CHST9: variants seen among roughly 807,000 people sequenced by gnomAD.
The protein encoded by CHST9 is carbohydrate sulfotransferase 9.
In CHST9, 41 loss-of-function variants were observed where a neutral mutation model predicts 44.4. The observed-to-expected ratio is 0.92, with a 90% CI of 0.72 to 1.20. The LOEUF is 1.20. CHST9 is among the 50% of genes most tolerant of loss of function. The probability of loss-of-function intolerance (pLI) is 0.00; values close to 1 mark genes in which losing one functional copy is unlikely to be tolerated. For synonymous variants in CHST9, 171 were observed against 178.4 expected, an observed-to-expected ratio of 0.96 and a Z score of 0.33; for missense variants, 504 against 516.5, an observed-to-expected ratio of 0.98 and a Z score of 0.23.
At chr18:26,990,327 T>A (rs949458854) in intron 4 of CHST9, among the ~76,000 whole-genome samples, 1 of 152,208 alleles carries the variant, frequency 6.6e-6, no homozygotes, top group Non-Finnish European at 1.5e-5. Flanking sequence ...AAAAAGCTAA[T>A]GGCATAGAGC....
intron 1 of CHST9, among the ~76,000 whole-genome samples, chr18:27,156,479 G>T (rs1276292572): frequency 6.6e-6 from 1 of 152,052 alleles, no homozygotes; most frequent in East Asian, 1.9e-4. Context: ...TGCCTTTCAG[G>T]CGGATGTAGT....
intron 2 of CHST9, among the ~76,000 whole-genome samples, chr18:27,132,419 A>G (rs947007633): frequency 6.6e-6 from 1 of 152,144 alleles, no homozygotes; most frequent in Admixed American, 6.5e-5. Flanking sequence ...CCCACCCCAA[A>G]CCAAGCAATT....
intron 1 of CHST9, among the ~76,000 whole-genome samples, chr18:27,184,515 C>T (rs2058939786): frequency 6.6e-6 from 1 of 152,086 alleles, no homozygotes; most frequent in South Asian, 2.1e-4. Context: ...TCAGATCGCC[C>T]CTCCCAACCC....
intron 3 of CHST9, among the ~76,000 whole-genome samples, chr18:27,034,870 TA>T (rs1439239455): frequency 6.6e-6 from 1 of 152,182 alleles, no homozygotes; most frequent in Non-Finnish European, 1.5e-5. Context: ...CTTTTTTAAC[TA>T]AAAAATTGAA....
Position 27,142,844 on chromosome 18 carries a change from T to A in CHST9, c.-35A>T, listed in dbSNP as rs2058579372. On this transcript the variant is annotated 5_prime_UTR_variant, in exon 2 of 6. Coordinates refer to ENST00000618847, the MANE Select transcript of CHST9 (RefSeq NM_031422.6). ...TTTCAGAATCTGAAGACCACATGAT[T>A]TGTTTTCCCGTAAAACTTCAGTCTT... 1.3e-6 allele frequency: 2 copies of A among 1,563,298 alleles called. No homozygotes were observed. Among genetic ancestry groups the A allele is most frequent in the South Asian group, 2.5e-5 (2 of 80,114 alleles).
intron 2 of CHST9, among the ~76,000 whole-genome samples, chr18:27,053,749 C>G (rs1219110051): frequency 6.6e-6 from 1 of 152,120 alleles, no homozygotes; most frequent in African/African-American, 2.4e-5. Context: ...GCCATTACAC[C>G]AGGAATTACA....
intron 4 of CHST9, among the ~76,000 whole-genome samples, chr18:27,010,457 A>C (rs2057069717): frequency 6.6e-6 from 1 of 152,152 alleles, no homozygotes. Context: ...AACTCAAGTG[A>C]TCTGATGTTC....
chr18:27,027,438 GT>G lies in CHST9; in HGVS notation c.161-3282del, dbSNP rs562622762. ...CAAAGAAAAAAATAATCACAGTGAA[GT>G]TTAGGTCCTTTGGTTGCTGGGTTTA... On this transcript the variant is annotated intron_variant, in intron 3 of 5. Transcript: ENST00000618847. 7.9e-5 allele frequency among the ~76,000 whole-genome samples: 12 copies of G among 152,304 alleles called. No homozygotes were observed. The East Asian group carries it at 2.3e-3, about 29-fold the overall frequency.
chr18:27,104,622 C>T (rs538481207), intron 2 of CHST9, among the ~76,000 whole-genome samples: 71 of 152,240 alleles, frequency 4.7e-4, no homozygotes, highest in South Asian at 2.1e-3. Flanking sequence ...ATAAGCAGCA[C>T]CTTTGGCTAA....
chr18:27,037,941 G>A (rs11660381), intron 3 of CHST9, among the ~76,000 whole-genome samples: 125 of 151,690 alleles, frequency 8.2e-4, no homozygotes, highest in African/African-American at 2.9e-3. Context: ...TATATTAAAT[G>A]CTTCTTCAGA....
chr18:26,961,438 T>C (rs12968314), intron 4 of CHST9, among the ~76,000 whole-genome samples: 23,707 of 152,032 alleles, frequency 0.16, 2,038 homozygotes, highest in East Asian at 0.24. Flanking sequence ...CCTTTTTTTT[T>C]TTTGCCCTTG....
chr18:27,037,632 G>T (rs566077595), intron 3 of CHST9, among the ~76,000 whole-genome samples: 1 of 152,322 alleles, frequency 6.6e-6, no homozygotes, highest in South Asian at 2.1e-4. Context: ...GGTCTAAGCT[G>T]CAGTGAGCTG....
At chr18:27,109,706 A>T (rs1256026025) in intron 2 of CHST9, among the ~76,000 whole-genome samples, 1 of 152,196 alleles carries the variant, frequency 6.6e-6, no homozygotes, top group Admixed American at 6.5e-5. Context: ...GAATCCGTTC[A>T]TCACTGCTGC....
At chr18:27,007,295 T>C (rs374336883) in intron 4 of CHST9, among the ~76,000 whole-genome samples, 20 of 152,216 alleles carry the variant, frequency 1.3e-4, no homozygotes, top group East Asian at 5.8e-4. Flanking sequence ...GGAGGTAAAA[T>C]TGATAGATAG....
chr18:26,997,844 A>G (rs2056903903), intron 4 of CHST9, among the ~76,000 whole-genome samples: 1 of 152,238 alleles, frequency 6.6e-6, no homozygotes, highest in African/African-American at 2.4e-5. Flanking sequence ...AATTTCTGCC[A>G]CAGGCCTCTA....
intron 4 of CHST9, among the ~76,000 whole-genome samples, chr18:26,954,958 T>C (rs1025025149): frequency 5.3e-5 from 8 of 152,110 alleles, no homozygotes; most frequent in Non-Finnish European, 1.0e-4. Flanking sequence ...GTGTTCAATA[T>C]ATATATTGAT....
chr18:27,160,668 T>G (rs1756078331), intron 1 of CHST9, among the ~76,000 whole-genome samples: 1 of 152,228 alleles, frequency 6.6e-6, no homozygotes, highest in African/African-American at 2.4e-5. Flanking sequence ...TTGATTGGAA[T>G]AGTTTCAGAA....
At chr18:26,951,557 T>C (rs2056248453) in intron 4 of CHST9, among the ~76,000 whole-genome samples, 1 of 87,500 alleles carries the variant, frequency 1.1e-5, no homozygotes. Context: ...CTCAAAGTCT[T>C]TTTGTTTTTT....
intron 3 of CHST9, among the ~76,000 whole-genome samples, chr18:27,043,702 C>T (rs1405883584): frequency 6.6e-6 from 1 of 152,052 alleles, no homozygotes; most frequent in Non-Finnish European, 1.5e-5. Context: ...CTCTTCCAAT[C>T]CATACTTCCG....
Sources: allele counts gnomAD v4.1 joint callset (sites outside exome capture counted in the v4.1 genomes callset), GRCh38; gene constraint gnomAD v4.1.1; transcripts MANE v1.5; gene names NCBI Gene and HGNC (gene_info 2026-07-23, HGNC 2026-07-21).